Variants in CAMTA2 observed in about 807,000 individuals in gnomAD.
The protein encoded by CAMTA2 is calmodulin-binding transcription activator 2.
Under a neutral mutation model 135.7 loss-of-function variants are expected in CAMTA2, and 56 were observed. The ratio of observed to expected loss-of-function variants is 0.41; its 90% CI spans 0.33 to 0.52. CAMTA2 has a LOEUF of 0.52. CAMTA2 is among the 20% of genes least tolerant of loss of function. The pLI, the probability that CAMTA2 is intolerant of heterozygous loss-of-function variation, is 0.16. For synonymous variants in CAMTA2, 591 were observed against 604.6 expected, an observed-to-expected ratio of 0.98 and a Z score of 0.33; for missense variants, 1,358 against 1,553.4, an observed-to-expected ratio of 0.87 and a Z score of 2.11.
chr17:4,972,910 A>G lies in CAMTA2; in HGVS notation c.2362T>C (p.Ser788Pro). 1 of 1,613,910 alleles carries G rather than the reference A, an allele frequency of 6.2e-7. No individual in the cohort carries two copies. The highest frequency in any genetic ancestry group is 8.5e-7 in the Non-Finnish European group (1 of 1,180,018). The change falls in exon 15 of 23, where the codon TCT becomes CCT. Residue 788 changes from serine (S) to proline (P), a missense_variant. Ser to Pro is a moderately conservative substitution (Grantham distance 74, BLOSUM62 -1). This residue lies in a region of CAMTA2 where 1,077 missense variants were observed against 1,127.5 expected (regional missense o/e 0.96). Transcript: ENST00000348066. ...WNRQALSIPD[S>P]LGRLPLSVAH... ...ACAGACAATGGCAGACGGCCCAGAG[A>G]GTCGGGAATGCTCAGTGCCTGTCGG...
intron 10 of CAMTA2, among the ~76,000 whole-genome samples, chr17:4,978,001 T>A (rs1157793046): frequency 2.0e-5 from 3 of 152,198 alleles, no homozygotes; most frequent in Admixed American, 1.3e-4. Flanking sequence ...GGAAGTGAAT[T>A]TTAAGTATTC....
rs1397935985 is a variant in CAMTA2 at position 4,970,229 on chromosome 17, A to G, written c.3005+111T>C. 7.7e-6 allele frequency: 11 copies of G among 1,425,964 alleles called. No homozygotes were observed. The East Asian group carries it at 2.5e-4, about 33-fold the overall frequency. The allele number at this position is 1,425,964 out of a possible 1,614,324, so 88.3% of individuals were successfully genotyped here. A position where few individuals can be genotyped will look rare whatever the true frequency, so the allele number is the denominator to read the frequency against. On this transcript the variant is annotated intron_variant, in intron 17 of 22. Coordinates refer to ENST00000348066, the MANE Select transcript of CAMTA2 (RefSeq NM_015099.4). ...ATCAGCCAGTTCAGTTCGCTTCTCC[A>G]AGGCCCTGGGGCCTCAGCCAGAATG...
chr17:4,969,695 G>A lies in CAMTA2; in HGVS notation c.3196C>T (p.Arg1066Trp), dbSNP rs761324723. 1.9e-6 allele frequency: 3 copies of A among 1,613,822 alleles called. No individual in the cohort carries two copies. The highest frequency in any genetic ancestry group is 2.2e-5 in the East Asian group (1 of 44,880). The change falls in exon 19 of 23, where the codon CGG becomes TGG. Residue 1066 changes from arginine to tryptophan, a missense_variant. Arg to Trp is a moderately radical substitution (Grantham distance 101). This residue lies in a region of CAMTA2 where 167 missense variants were observed against 207.0 expected (regional missense o/e 0.81). Transcript: ENST00000348066. The surrounding 1 kb of genome is among the most constrained non-coding windows in gnomAD (Gnocchi z 5.6). Reference sequence around the variant, plus strand: ...GCTACCTCCTGCTGCTCCTTCAGCCGCCGGCCCTGAAGGGAGAGAAGTCTC... The same window carrying A: ...GCTACCTCCTGCTGCTCCTTCAGCCACCGGCCCTGAAGGGAGAGAAGTCTC... ...QTAFRKYKGR[R>W]LKEQQEVAAA...
intron 13 of CAMTA2, 63 bp downstream of exon 13, chr17:4,973,522 T>C: frequency 6.6e-7 from 1 of 1,509,688 alleles, no homozygotes; most frequent in African/African-American, 1.4e-5. Flanking sequence ...CCAATTCCTC[T>C]TCAGTCCCCT....
At chr17:4,975,251 G>A (rs1972544870) in intron 11 of CAMTA2, among the ~76,000 whole-genome samples, 1 of 152,120 alleles carries the variant, frequency 6.6e-6, no homozygotes, top group African/African-American at 2.4e-5. Context: ...GATAGAAGGG[G>A]ATGAAGGTAC....
At chr17:4,987,572 G>C in intron 1 of CAMTA2, 21 bp downstream of exon 1, 1 of 1,514,082 alleles carries the variant, frequency 6.6e-7, no homozygotes, top group Non-Finnish European at 8.8e-7. Flanking sequence ...GGAGAGGCGG[G>C]CGAGAGGCCC....
At position 4,970,462 on chromosome 17, in the gene CAMTA2, C is replaced by G; in HGVS notation, c.2883G>C (p.Gly961=). ...GCATTGAGGCTCCAGCCTCGGGCAG[C>G]CCCACGAAGTCCTCTCGTTTAATCC... ...PERIKREDFV[G]LPEAGASMRE... Residue 961 remains glycine, a synonymous_variant, in exon 17 of 23, where the codon GGG becomes GGC. Transcript: ENST00000348066. The G allele has an allele frequency of 1.2e-6, 2 of 1,614,190 alleles. No individual in the cohort carries two copies. The highest frequency in any genetic ancestry group is 1.7e-6 in the Non-Finnish European group (2 of 1,180,034).
In CAMTA2 at chr17:4,985,773, G is replaced by T. The variant is rs1370258286; in HGVS notation, c.135+107C>A. On this transcript the variant is annotated intron_variant, in intron 3 of 22. Coordinates refer to ENST00000348066, the MANE Select transcript of CAMTA2 (RefSeq NM_015099.4). ...CTAGGATCCCCAAAGAGCTTAGAAT[G>T]GTGCTCTGCACTTAGGAGTGTTGAC... 6 of 747,880 alleles carry T rather than the reference G, an allele frequency of 8.0e-6. No homozygotes were observed. In the Admixed American group the frequency reaches 1.0e-4, roughly 12 times the overall value. The allele number at this position is 747,880 out of a possible 1,614,324, so 46.3% of individuals were successfully genotyped here. A position where few individuals can be genotyped will look rare whatever the true frequency, so the allele number is the denominator to read the frequency against.
At chr17:4,986,043 C>T (rs1973258220) in intron 2 of CAMTA2, 60 bp from the exon 3 acceptor site, 1 of 1,329,370 alleles carries the variant, frequency 7.5e-7, no homozygotes, top group Admixed American at 1.7e-5. Flanking sequence ...TGTGATAGTC[C>T]AAGGGGAAAG....
intron 9 of CAMTA2, 135 bp from the exon 10 acceptor site, chr17:4,978,765 A>G: frequency 1.1e-6 from 1 of 948,206 alleles, no homozygotes; most frequent in Non-Finnish European, 1.5e-6. Context: ...AGGGATAGAC[A>G]GGACCCAGTG....
chr17:4,981,097 T>C (rs1972931029), intron 8 of CAMTA2, 128 bp downstream of exon 8: 4 of 1,206,190 alleles, frequency 3.3e-6, no homozygotes, highest in Non-Finnish European at 4.7e-6. Flanking sequence ...ATCTGGCCCA[T>C]CTTTCTGGGA....
At chr17:4,981,089 C>G (rs1040605536) in intron 8 of CAMTA2, 136 bp downstream of exon 8, 5 of 1,112,602 alleles carry the variant, frequency 4.5e-6, no homozygotes, top group East Asian at 2.4e-5. Context: ...GTCTGTTCAT[C>G]TGGCCCATCT....
chr17:4,986,666 G>GC, intron 1 of CAMTA2: 1 of 535,150 alleles, frequency 1.9e-6, no homozygotes. Flanking sequence ...TGGCAAGAGA[G>GC]CCTGGATCCT....
Position 4,980,710 on chromosome 17 carries a change from G to A in CAMTA2, c.701-89C>T, listed in dbSNP as rs1392123292. 2 of 1,014,330 alleles carry A rather than the reference G, an allele frequency of 2.0e-6. No individual in the cohort carries two copies. The highest frequency in any genetic ancestry group is 3.0e-6 in the Non-Finnish European group (2 of 656,858). The allele number at this position is 1,014,330 out of a possible 1,614,324, so 62.8% of individuals were successfully genotyped here. On this transcript the variant is annotated intron_variant, in intron 8 of 22. Coordinates refer to ENST00000348066, the MANE Select transcript of CAMTA2 (RefSeq NM_015099.4). This position sits in a 1 kb window ranked among gnomAD's most constrained non-coding sequence, Gnocchi z 5.3. ...TGAGGCCCTTAAAAGTATTTCCTGG[G>A]ACGTCCCTATAAACCAGAGGTGTAA...
At position 4,969,593 on chromosome 17, in the gene CAMTA2, G is replaced by A. The variant is rs1256363201; in HGVS notation, c.3261+37C>T. The A allele has an allele frequency of 6.2e-7, 1 of 1,613,698 alleles. No individual in the cohort carries two copies. Among genetic ancestry groups the A allele is most frequent in the Non-Finnish European group, 8.5e-7 (1 of 1,179,622 alleles). ...GGTTAGGCGTGGGTGTGGGTTGGTG[G>A]GTTGCTGGTTACACTTTTGAGGGAG... On this transcript the variant is annotated intron_variant, in intron 19 of 22. Transcript: ENST00000348066. The surrounding 1 kb of genome is among the most constrained non-coding windows in gnomAD (Gnocchi z 5.6).
chr17:4,969,550 C>G lies in CAMTA2; in HGVS notation c.3262-30G>C. On this transcript the variant is annotated intron_variant, in intron 19 of 22. Coordinates refer to ENST00000348066, the MANE Select transcript of CAMTA2 (RefSeq NM_015099.4). The surrounding 1 kb of genome is among the most constrained non-coding windows in gnomAD (Gnocchi z 5.6). ...TGGAGAGAGAAGGGGAGTTAGGGCT[C>G]TGGCAACATTCTGGAATGGTTAGGC... is the stretch of plus-strand genomic sequence containing the variant. The G allele has an allele frequency of 3.1e-6, 5 of 1,614,108 alleles. No individual in the cohort carries two copies. Among genetic ancestry groups the G allele is most frequent in the Non-Finnish European group, 4.2e-6 (5 of 1,179,986 alleles).
intron 16 of CAMTA2, among the ~76,000 whole-genome samples, chr17:4,971,362 T>C (rs187167700): frequency 3.3e-5 from 5 of 152,292 alleles, no homozygotes; most frequent in African/African-American, 9.6e-5. Flanking sequence ...CCTAGAATTT[T>C]TGTTATAGAG....
In CAMTA2 at chr17:4,969,961, C is replaced by G. The variant is rs1256993595; in HGVS notation, c.3130G>C (p.Glu1044Gln). The change falls in exon 18 of 23, where the codon GAG becomes CAG. Residue 1044 changes from glutamate to glutamine, a missense_variant. This residue lies in a region of CAMTA2 where 167 missense variants were observed against 207.0 expected (regional missense o/e 0.81). Transcript: ENST00000348066. The surrounding 1 kb of genome is among the most constrained non-coding windows in gnomAD (Gnocchi z 5.6). ...GCAGCCTCATACAGTTCCCGCTGCTCGTGATCTGATAGTGTCAGCAGGGCA... is the reference window on the plus strand; with the variant it reads ...GCAGCCTCATACAGTTCCCGCTGCTGGTGATCTGATAGTGTCAGCAGGGCA... ...DFALLTLSDH[E>Q]QRELYEAARV... The G allele has an allele frequency of 6.2e-7, 1 of 1,614,092 alleles. No individual in the cohort carries two copies.
rs750871620 is a variant in CAMTA2 at position 4,980,384 on chromosome 17, G to T, written c.938C>A (p.Thr313Asn). ...EPLEIRPSPP[T>N]SRGGSSRGGT... ...TCCTCTTGAAGAACCCCCTCGAGAAGTGGGAGGGCTAGGTCTGATTTCTAG... is the reference window on the plus strand; with the variant it reads ...TCCTCTTGAAGAACCCCCTCGAGAATTGGGAGGGCTAGGTCTGATTTCTAG... The change falls in exon 9 of 23, where the codon ACT becomes AAT. Residue 313 changes from threonine (T) to asparagine (N), a missense_variant. Around this residue, in one of 4 missense-constraint regions of CAMTA2, gnomAD observed 1,077 missense variants for 1,127.5 expected, o/e 0.96. Transcript: ENST00000348066. This position sits in a 1 kb window ranked among gnomAD's most constrained non-coding sequence, Gnocchi z 5.3. The T allele has an allele frequency of 2.5e-6, 4 of 1,614,026 alleles. No homozygotes were observed. Among genetic ancestry groups the T allele is most frequent in the Non-Finnish European group, 3.4e-6 (4 of 1,180,020 alleles).
Sources: allele counts gnomAD v4.1 joint callset (sites outside exome capture counted in the v4.1 genomes callset), GRCh38; gene constraint gnomAD v4.1.1; regional missense constraint gnomAD v4.1.1; non-coding constraint Gnocchi (gnomAD v3.1); transcripts MANE v1.5; gene names NCBI Gene and HGNC (gene_info 2026-07-23, HGNC 2026-07-21).